Variants in CYP3A43 observed in about 807,000 individuals in gnomAD.
CYP3A43 encodes cytochrome P450 family 3 subfamily A member 43.
In CYP3A43, 45 loss-of-function variants were observed where a neutral mutation model predicts 58.0. That is an observed-to-expected ratio of 0.78 (90% CI 0.61 to 0.99). The LOEUF is 0.99. Among genes scored for constraint, CYP3A43 ranks in the 50% least tolerant of loss-of-function variants. CYP3A43 has a pLI of 0.00. For synonymous variants in CYP3A43, 191 were observed against 201.4 expected, an observed-to-expected ratio of 0.95 and a Z score of 0.44; for missense variants, 593 against 591.9, an observed-to-expected ratio of 1.00 and a Z score of -0.02.
rs373799271 is a variant in CYP3A43 at position 99,836,559 on chromosome 7, T to C, written c.165+13T>C. On this transcript the variant is annotated intron_variant, in intron 2 of 12. Coordinates refer to ENST00000354829, the MANE Select transcript of CYP3A43 (RefSeq NM_057095.3). Reference sequence around the variant, plus strand: ...GTTCTACCTTAGGGTAAGTGTTATTTGAGCTCCCTCTTTTGCTTCTTATCG... The same window carrying C: ...GTTCTACCTTAGGGTAAGTGTTATTCGAGCTCCCTCTTTTGCTTCTTATCG... 4 of 1,557,586 alleles carry C rather than the reference T, an allele frequency of 2.6e-6. No homozygotes were observed. The African/African-American group carries it at 5.5e-5, about 22-fold the overall frequency.
At chr7:99,839,336 G>C (rs1286956774) in intron 3 of CYP3A43, 164 bp downstream of exon 3, 12 of 846,904 alleles carry the variant, frequency 1.4e-5, no homozygotes, top group African/African-American at 6.8e-5. Flanking sequence ...TCTGGGAATT[G>C]AGCATTGCAA....
chr7:99,839,287 G>T (rs1817231267), intron 3 of CYP3A43, 115 bp downstream of exon 3: 1 of 1,248,730 alleles, frequency 8.0e-7, no homozygotes, highest in African/African-American at 1.5e-5. Context: ...GTCAACCTAA[G>T]TAACAAACAG....
intron 7 of CYP3A43, 79 bp downstream of exon 7, chr7:99,849,773 T>TTCA (rs1321182547): frequency 1.3e-5 from 17 of 1,342,780 alleles, no homozygotes; most frequent in Non-Finnish European, 1.7e-5. Context: ...GAAAACAAAA[T>TTCA]TCACATACCA....
chr7:99,833,806 A>G (rs1291135818), intron 1 of CYP3A43, among the ~76,000 whole-genome samples: 1 of 152,222 alleles, frequency 6.6e-6, no homozygotes, highest in African/African-American at 2.4e-5. Context: ...GTAGCGTGTC[A>G]GGCTACTATT....
chr7:99,863,954 T>C (rs1189381367), intron 12 of CYP3A43, among the ~76,000 whole-genome samples: 1 of 148,562 alleles, frequency 6.7e-6, no homozygotes, highest in African/African-American at 2.6e-5. Context: ...CTCTGTGAAC[T>C]TGAGCAAATT....
intron 9 of CYP3A43, among the ~76,000 whole-genome samples, chr7:99,857,453 T>C (rs568621955): frequency 6.6e-6 from 1 of 152,298 alleles, no homozygotes; most frequent in South Asian, 2.1e-4. Context: ...ATCATTACTA[T>C]GATGGTCGCA....
At chr7:99,833,832 T>G (rs1033606905) in intron 1 of CYP3A43, among the ~76,000 whole-genome samples, 4 of 152,234 alleles carry the variant, frequency 2.6e-5, no homozygotes, top group Non-Finnish European at 5.9e-5. Flanking sequence ...TATAGTTGAC[T>G]GAATACTCCT....
intron 1 of CYP3A43, among the ~76,000 whole-genome samples, chr7:99,829,790 C>T (rs1816770676): frequency 6.6e-6 from 1 of 152,226 alleles, no homozygotes; most frequent in South Asian, 2.1e-4. Flanking sequence ...AGCAGACCTG[C>T]AACATCACCT....
rs903439905 is a variant in CYP3A43, at chr7:99,836,509, C to T, written c.128C>T (p.Pro43Leu). The change falls in exon 2 of 13, where the codon CCT becomes CTT. Residue 43 changes from proline to leucine, a missense_variant. Pro to Leu is a moderately conservative substitution (Grantham distance 98). Transcript: ENST00000354829. Reference protein sequence around the residue: ...FKKLGIPGPTPLPFLGTILFY... With the variant: ...FKKLGIPGPTLLPFLGTILFY... Reference sequence around the variant, plus strand: ...AAGCTGGGAATTCCTGGGCCAACCCCTCTGCCTTTTCTGGGAACTATTTTG... The same window carrying T: ...AAGCTGGGAATTCCTGGGCCAACCCTTCTGCCTTTTCTGGGAACTATTTTG... 3.1e-6 allele frequency: 5 copies of T among 1,604,974 alleles called. No homozygotes were observed. The highest frequency in any genetic ancestry group is 4.2e-6 in the Non-Finnish European group (5 of 1,177,890).
intron 8 of CYP3A43, among the ~76,000 whole-genome samples, chr7:99,856,303 C>T (rs1262890605): frequency 1.3e-5 from 2 of 152,078 alleles, no homozygotes; most frequent in Non-Finnish European, 2.9e-5. Context: ...GAGACCAGCC[C>T]GATGATGATG....
chr7:99,835,104 C>G lies in CYP3A43; in HGVS notation c.72-1349C>G, dbSNP rs113796317. 1.3e-3 allele frequency among the ~76,000 whole-genome samples: 203 copies of G among 152,268 alleles called. 1 individual carries two copies. The highest frequency in any genetic ancestry group is 4.5e-3 in the African/African-American group (186 of 41,552). On this transcript the variant is annotated intron_variant, in intron 1 of 12. Coordinates refer to ENST00000354829, the MANE Select transcript of CYP3A43 (RefSeq NM_057095.3). Reference sequence around the variant, plus strand: ...GAGTTCTTCTAGTCTTTTTGACAATCAGTAGTGGAATTCTAAGGCCTGCTC... The same window carrying G: ...GAGTTCTTCTAGTCTTTTTGACAATGAGTAGTGGAATTCTAAGGCCTGCTC...
At chr7:99,833,272 G>A (rs1279283981) in intron 1 of CYP3A43, among the ~76,000 whole-genome samples, 1 of 152,208 alleles carries the variant, frequency 6.6e-6, no homozygotes, top group African/African-American at 2.4e-5. Context: ...TTAACATCCA[G>A]AGGACTGAGC....
chr7:99,865,828 T>C lies in CYP3A43; in HGVS notation c.1417-78T>C, dbSNP rs1016756680. 3.0e-6 allele frequency: 3 copies of C among 1,001,272 alleles called. 1 individual carries two copies. In the African/African-American group the frequency reaches 6.7e-5, roughly 22 times the overall value. 62.0% of individuals were successfully genotyped at this position (1,001,272 alleles called of 1,614,324 possible). ...AGTCATTGCAAAGCATTACCCTTGA[T>C]GTCATCTTTTTTATTTTGCTTCTAT... On this transcript the variant is annotated intron_variant, in intron 12 of 12. Transcript: ENST00000354829.
At position 99,865,923 on chromosome 7, in the gene CYP3A43, C is replaced by A; in HGVS notation, c.1434C>A (p.Asp478Glu). Residue 478 changes from aspartate to glutamate, a missense_variant, in exon 13 of 13, where the codon GAC becomes GAA. Asp to Glu is a conservative substitution (Grantham distance 45, BLOSUM62 2). Coordinates refer to ENST00000354829, the MANE Select transcript of CYP3A43 (RefSeq NM_057095.3). ...TTTTGCAGATCCCACTGAAATTAGA[C>A]AATCTACCAATTCTTCAACCAGAAA... ...CKETQIPLKL[D>E]NLPILQPEKP... 2 of 1,563,474 alleles carry A rather than the reference C, an allele frequency of 1.3e-6. No homozygotes were observed. Among genetic ancestry groups the A allele is most frequent in the Non-Finnish European group, 1.7e-6 (2 of 1,171,612 alleles).
Position 99,847,685 on chromosome 7 carries a change from A to C in CYP3A43, c.432+84A>C, listed in dbSNP as rs374486939. ...GTAAGTATCATCATAGTTCCTTTCT[A>C]ATGGGTAGTCCACTGAGTTTGAGCT... On this transcript the variant is annotated intron_variant, in intron 5 of 12. Coordinates refer to ENST00000354829, the MANE Select transcript of CYP3A43 (RefSeq NM_057095.3). The C allele has an allele frequency of 1.7e-4, 271 of 1,583,512 alleles. 2 individuals carry two copies. In the South Asian group the frequency reaches 2.5e-3, roughly 15 times the overall value.
chr7:99,849,100 T>C (rs1817646239), intron 6 of CYP3A43, among the ~76,000 whole-genome samples: 3 of 152,214 alleles, frequency 2.0e-5, no homozygotes, highest in East Asian at 1.9e-4. Flanking sequence ...GTGGCTGTTC[T>C]ATAAAGTGCT....
chr7:99,860,048 T>G (rs45503294), intron 10 of CYP3A43, 58 bp downstream of exon 10: 1 of 1,524,988 alleles, frequency 6.6e-7, no homozygotes, highest in Non-Finnish European at 8.8e-7. Flanking sequence ...CAAGAATGCC[T>G]CCTCACCACT....
At chr7:99,847,644 A>C in intron 5 of CYP3A43, 43 bp downstream of exon 5, 3 of 1,608,818 alleles carry the variant, frequency 1.9e-6, no homozygotes, top group Non-Finnish European at 2.5e-6. Context: ...TTAAAGGATG[A>C]ATCTGGAGAC....
At chr7:99,861,873 A>G in intron 11 of CYP3A43, 34 bp downstream of exon 11, 1 of 1,569,102 alleles carries the variant, frequency 6.4e-7, no homozygotes, top group East Asian at 2.3e-5. Flanking sequence ...CCTTCCCTCA[A>G]CCAGCCTGAT....
Sources: allele counts gnomAD v4.1 joint callset (sites outside exome capture counted in the v4.1 genomes callset), GRCh38; gene constraint gnomAD v4.1.1; transcripts MANE v1.5; gene names NCBI Gene and HGNC (gene_info 2026-07-23, HGNC 2026-07-21).